Variants in FBXO46 observed in about 807,000 individuals in gnomAD.
FBXO46 encodes F-box only protein 46.
A neutral mutation model predicts 30.7 loss-of-function variants in FBXO46; 13 were observed. That is an observed-to-expected ratio of 0.42 (90% CI 0.28 to 0.67). FBXO46 has a LOEUF of 0.67. Among genes scored for constraint, FBXO46 ranks in the 30% least tolerant of loss-of-function variants. The pLI is 0.21. For synonymous variants in FBXO46, 467 were observed against 385.8 expected, an observed-to-expected ratio of 1.21 and a Z score of -2.47; for missense variants, 754 against 871.5, an observed-to-expected ratio of 0.87 and a Z score of 1.70.
chr19:45,724,433 C>G (rs1029422006), intron 1 of FBXO46, among the ~76,000 whole-genome samples: 8 of 152,210 alleles, frequency 5.3e-5, no homozygotes, highest in Non-Finnish European at 8.8e-5. Flanking sequence ...AACTGCCCTA[C>G]CATTATGACA....
rs1030046550 is a variant in FBXO46 at position 45,713,594 on chromosome 19, T to C, written c.-78-21A>G. ...GCCACCTGGAGACACGAAGAGGAGG[T>C]TGGGGAGCTAGGGGGACAGCCTTTC... On this transcript the variant is annotated intron_variant, in intron 1 of 1. Coordinates refer to ENST00000317683, the MANE Select transcript of FBXO46 (RefSeq NM_001080469.2). The surrounding 1 kb of genome is among the most constrained non-coding windows in gnomAD (Gnocchi z 4.7). 1.2e-4 allele frequency: 119 copies of C among 1,019,798 alleles called. No homozygotes were observed. Among genetic ancestry groups the C allele is most frequent in the Non-Finnish European group, 1.5e-4 (108 of 706,618 alleles). The allele number at this position is 1,019,798 out of a possible 1,614,324, so 63.2% of individuals were successfully genotyped here. A position where few individuals can be genotyped will look rare whatever the true frequency, so the allele number is the denominator to read the frequency against.
chr19:45,731,888 C>T (rs949629478), upstream of FBXO46, among the ~76,000 whole-genome samples: 6 of 151,480 alleles, frequency 4.0e-5, no homozygotes, highest in Non-Finnish European at 7.4e-5. Context: ...GAGGCCGAGG[C>T]GGGCTGATCA....
Position 45,712,187 on chromosome 19 carries a change from C to A in FBXO46, c.1309G>T (p.Ala437Ser). The A allele has an allele frequency of 6.2e-7, 1 of 1,603,636 alleles. No individual in the cohort carries two copies. Among genetic ancestry groups the A allele is most frequent in the Non-Finnish European group, 8.5e-7 (1 of 1,175,824 alleles). Residue 437 changes from alanine (A) to serine (S), a missense_variant, in exon 2 of 2, where the codon GCC becomes TCC. By Grantham distance (99) the Ala-to-Ser change is moderately conservative. Transcript: ENST00000317683. The surrounding 1 kb of genome is among the most constrained non-coding windows in gnomAD (Gnocchi z 8.8). ...AGGGAGGTGTCCGCCGTGCCCTCGG[C>A]ATCGTCTGGGCCGGGCGCAGTGGCC... Reference protein sequence around the residue: ...SPATAPGPDDAEGTADTSLCR... With the variant: ...SPATAPGPDDSEGTADTSLCR...
intron 1 of FBXO46, among the ~76,000 whole-genome samples, chr19:45,721,644 G>GT (rs999154721): frequency 2.2e-4 from 32 of 144,876 alleles, no homozygotes; most frequent in Admixed American, 1.8e-3. Flanking sequence ...CCTCTGCCTC[G>GT]TGGGTTCAAG....
At chr19:45,714,002 C>CCACTG (rs1274955778) in intron 1 of FBXO46, among the ~76,000 whole-genome samples, 2 of 149,232 alleles carry the variant, frequency 1.3e-5, no homozygotes, top group African/African-American at 4.9e-5. Context: ...GAACTCTATT[C>CCACTG]CCACTGCCAT....
chr19:45,711,604 C>G lies in FBXO46; in HGVS notation c.*80G>C. On this transcript the variant is annotated 3_prime_UTR_variant, in exon 2 of 2. Coordinates refer to ENST00000317683, the MANE Select transcript of FBXO46 (RefSeq NM_001080469.2). ...TGCCTGGAGTAGGGGAATGGGCAGGCGGCCCAGTCCGGACCCTCGGCTCCC... is the reference window on the plus strand; with the variant it reads ...TGCCTGGAGTAGGGGAATGGGCAGGGGGCCCAGTCCGGACCCTCGGCTCCC... 1.8e-6 allele frequency: 2 copies of G among 1,103,510 alleles called. No homozygotes were observed. Among genetic ancestry groups the G allele is most frequent in the Admixed American group, 2.0e-5 (1 of 50,434 alleles). The allele number at this position is 1,103,510 out of a possible 1,614,324, so 68.4% of individuals were successfully genotyped here.
Position 45,711,646 on chromosome 19 carries a change from G to T in FBXO46, c.*38C>A. The T allele has an allele frequency of 1.4e-6, 2 of 1,454,958 alleles. No homozygotes were observed. The highest frequency in any genetic ancestry group is 1.9e-6 in the Non-Finnish European group (2 of 1,073,870). 90.1% of individuals were successfully genotyped at this position (1,454,958 alleles called of 1,614,324 possible). ...TCGGCTCCCGGGGGGAGAGGGGAGG[G>T]GTGGGCGTGGTGGGCTCTCCCCTCC... On this transcript the variant is annotated 3_prime_UTR_variant, in exon 2 of 2. Coordinates refer to ENST00000317683, the MANE Select transcript of FBXO46 (RefSeq NM_001080469.2).
rs1459659130 is a variant in FBXO46, at chr19:45,713,031, A to G, written c.465T>C (p.Ala155=). Residue 155 remains alanine, a synonymous_variant, in exon 2 of 2, where the codon GCT becomes GCC. Coordinates refer to ENST00000317683, the MANE Select transcript of FBXO46 (RefSeq NM_001080469.2). This position sits in a 1 kb window ranked among gnomAD's most constrained non-coding sequence, Gnocchi z 4.7. ...PDPGGREGPP[A]AEEGPASAGE... ...CGGCTGAGGCGGGGCCCTCCTCAGC[A>G]GCAGGGGGGCCCTCCCGGCCCCCTG... 1 of 1,558,026 alleles carries G rather than the reference A, an allele frequency of 6.4e-7. No individual in the cohort carries two copies. The highest frequency in any genetic ancestry group is 2.0e-5 in the Admixed American group (1 of 50,734).
At position 45,713,840 on chromosome 19, in the gene FBXO46, C is replaced by T. The variant is rs993003768; in HGVS notation, c.-78-267G>A. ...AAAATGTGCTGGGCGTGATAGTCCACGCCTGTAATCCAAGCTACTTGGGAG... is the reference window on the plus strand; with the variant it reads ...AAAATGTGCTGGGCGTGATAGTCCATGCCTGTAATCCAAGCTACTTGGGAG... On this transcript the variant is annotated intron_variant, in intron 1 of 1. Transcript: ENST00000317683. The surrounding 1 kb of genome is among the most constrained non-coding windows in gnomAD (Gnocchi z 4.7). 5.9e-5 allele frequency among the ~76,000 whole-genome samples: 9 copies of T among 151,958 alleles called. No individual in the cohort carries two copies. The highest frequency in any genetic ancestry group is 1.2e-4 in the African/African-American group (5 of 41,364).
At chr19:45,724,444 A>G (rs992901626) in intron 1 of FBXO46, among the ~76,000 whole-genome samples, 2 of 152,196 alleles carry the variant, frequency 1.3e-5, no homozygotes, top group African/African-American at 2.4e-5. Flanking sequence ...CATTATGACA[A>G]CAGCAAGTTC....
chr19:45,719,366 G>A (rs1028172699), intron 1 of FBXO46, among the ~76,000 whole-genome samples: 1 of 152,144 alleles, frequency 6.6e-6, no homozygotes, highest in African/African-American at 2.4e-5. Flanking sequence ...AGGGCTGGGG[G>A]AGGGAGGTGG....
At position 45,713,322 on chromosome 19, in the gene FBXO46, G is replaced by A. The variant is rs544663802; in HGVS notation, c.174C>T (p.Pro58=). The A allele has an allele frequency of 1.6e-5, 26 of 1,613,370 alleles. No individual in the cohort carries two copies. The highest frequency in any genetic ancestry group is 3.3e-4 in the Middle Eastern group (2 of 6,034). ...AGGCAGGGACCTCAGTGGCCAAGGC[G>A]GGTGGTGTGTTCTCTGAGTGGGCAG... ...HGPAHSENTP[P]ALATEVPASQ... Residue 58 remains proline (P), a synonymous_variant, in exon 2 of 2, where the codon CCC becomes CCT. Transcript: ENST00000317683. The surrounding 1 kb of genome is among the most constrained non-coding windows in gnomAD (Gnocchi z 4.7).
At chr19:45,718,942 T>TAAAAAAA (rs397954439) in intron 1 of FBXO46, among the ~76,000 whole-genome samples, 7 of 119,440 alleles carry the variant, frequency 5.9e-5, no homozygotes, top group African/African-American at 2.2e-4. Context: ...CATTACCCCT[T>TAAAAAAA]AAAAAAAAAA....
chr19:45,725,323 G>A (rs1968222882), intron 1 of FBXO46, among the ~76,000 whole-genome samples: 1 of 152,050 alleles, frequency 6.6e-6, no homozygotes, highest in African/African-American at 2.4e-5. Context: ...GCTGAGGTGA[G>A]AGGATGGCGT....
chr19:45,727,781 C>T (rs533151018), intron 1 of FBXO46, among the ~76,000 whole-genome samples: 1 of 152,112 alleles, frequency 6.6e-6, no homozygotes, highest in South Asian at 2.1e-4. Context: ...CCCAATGAGG[C>T]CTTAATGACC....
chr19:45,713,488 C>G lies in FBXO46; in HGVS notation c.8G>C (p.Arg3Pro). The G allele has an allele frequency of 3.2e-6, 5 of 1,564,454 alleles. No individual in the cohort carries two copies. Among genetic ancestry groups the G allele is most frequent in the Non-Finnish European group, 4.3e-6 (5 of 1,150,360 alleles). ...TAGCTGGAAGGGCAGGAGGCTCCCA[C>G]GGTCCATGCTGGGGGATGATGGCAG... MDRGSLLPFQLWC... is the reference protein window; with the variant it reads MDPGSLLPFQLWC... Residue 3 changes from arginine (R) to proline (P), a missense_variant, in exon 2 of 2, where the codon CGT becomes CCT. Arg to Pro is a moderately radical substitution (Grantham distance 103). This residue lies in a region of FBXO46 where 97 missense variants were observed against 113.0 expected (regional missense o/e 0.86). Coordinates refer to ENST00000317683, the MANE Select transcript of FBXO46 (RefSeq NM_001080469.2). The surrounding 1 kb of genome is among the most constrained non-coding windows in gnomAD (Gnocchi z 4.7).
At chr19:45,722,699 T>C (rs1440130234) in intron 1 of FBXO46, among the ~76,000 whole-genome samples, 2 of 151,818 alleles carry the variant, frequency 1.3e-5, no homozygotes, top group Middle Eastern at 6.3e-3. Flanking sequence ...GAGGCGGAGC[T>C]TGCAGTGAGC....
Position 45,720,110 on chromosome 19 carries a change from T to C in FBXO46, c.-78-6537A>G, listed in dbSNP as rs370946780. Among the ~76,000 whole-genome samples, 20 of 152,000 alleles carry C rather than the reference T, an allele frequency of 1.3e-4. No individual in the cohort carries two copies. In the East Asian group the frequency reaches 1.9e-3, roughly 15 times the overall value. ...CTCCTGGGCTCAAGTGATCCTCCCATCTCAGCTGCCTTCTTTTTTGTTTTT... is the reference window on the plus strand; with the variant it reads ...CTCCTGGGCTCAAGTGATCCTCCCACCTCAGCTGCCTTCTTTTTTGTTTTT... On this transcript the variant is annotated intron_variant, in intron 1 of 1. Transcript: ENST00000317683.
chr19:45,727,911 A>G (rs1262118105), intron 1 of FBXO46, among the ~76,000 whole-genome samples: 2 of 152,186 alleles, frequency 1.3e-5, no homozygotes, highest in Non-Finnish European at 2.9e-5. Flanking sequence ...TGGCGGGGAC[A>G]GGAATGGGAA....
Sources: allele counts gnomAD v4.1 joint callset (sites outside exome capture counted in the v4.1 genomes callset), GRCh38; gene constraint gnomAD v4.1.1; regional missense constraint gnomAD v4.1.1; non-coding constraint Gnocchi (gnomAD v3.1); transcripts MANE v1.5; gene names NCBI Gene and HGNC (gene_info 2026-07-23, HGNC 2026-07-21).